The following SGIP1 variants were observed in gnomAD, a reference collection of about 807,000 sequenced individuals.
SGIP1 encodes SH3-containing GRB2-like protein 3-interacting protein 1.
In SGIP1, 38 loss-of-function variants were observed where a neutral mutation model predicts 107.5. That is an observed-to-expected ratio of 0.35 (90% CI 0.27 to 0.46). The LOEUF is 0.46. Ranked by LOEUF, SGIP1 falls within the 20% of genes least tolerant of loss-of-function variation. SGIP1 has a pLI of 1.00. For synonymous variants in SGIP1, 365 were observed against 366.1 expected, an observed-to-expected ratio of 1.00 and a Z score of 0.03; for missense variants, 929 against 1,019.5, an observed-to-expected ratio of 0.91 and a Z score of 1.21.
At chr1:66,690,084 C>T (rs2089489292) in intron 16 of SGIP1, 106 bp from the exon 17 acceptor site, 1 of 1,312,062 alleles carries the variant, frequency 7.6e-7, no homozygotes, top group Admixed American at 2.1e-5. Context: ...ATCTATTCTT[C>T]AGATACCTAA....
intron 1 of SGIP1, among the ~76,000 whole-genome samples, chr1:66,592,068 C>T (rs946884542): frequency 6.6e-6 from 1 of 152,172 alleles, no homozygotes; most frequent in Admixed American, 6.5e-5. Context: ...GAGACAGATG[C>T]CTTCCTCTTA....
chr1:66,561,701 A>T (rs2058973408), intron 1 of SGIP1, among the ~76,000 whole-genome samples: 1 of 151,966 alleles, frequency 6.6e-6, no homozygotes, highest in Non-Finnish European at 1.5e-5. Flanking sequence ...TGAGGAAGAC[A>T]CTCGGTCCCA....
intron 18 of SGIP1, among the ~76,000 whole-genome samples, chr1:66,706,025 C>A (rs914774142): frequency 1.4e-4 from 21 of 151,968 alleles, no homozygotes; most frequent in African/African-American, 5.1e-4. Context: ...TATCCCGGAA[C>A]TTAGAGTAAA....
chr1:66,658,536 A>G lies in SGIP1; in HGVS notation c.460-1977A>G, dbSNP rs144071780. 5.3e-3 allele frequency among the ~76,000 whole-genome samples: 811 copies of G among 152,300 alleles called. 6 individuals carry two copies. The highest frequency in any genetic ancestry group is 0.016 in the African/African-American group (683 of 41,538). ...GACAACAATTTATTTTTTATATTTC[A>G]AAAGACACTGTGCTTCAAACATTTG... On this transcript the variant is annotated intron_variant, in intron 7 of 24. Coordinates refer to ENST00000371037, the MANE Select transcript of SGIP1 (RefSeq NM_032291.4).
intron 7 of SGIP1, among the ~76,000 whole-genome samples, chr1:66,659,443 T>C (rs1399119565): frequency 1.3e-5 from 2 of 152,190 alleles, no homozygotes; most frequent in African/African-American, 4.8e-5. Flanking sequence ...TGGGAGATGA[T>C]AGGTTCTGGG....
chr1:66,713,708 G>A lies in SGIP1; in HGVS notation c.1631-5586G>A, dbSNP rs4295861. ...ATTTCTCTGTATCCCTCGGCACCTAGCACAATGTCTAATTATTACAGGAAC... is the reference window on the plus strand; with the variant it reads ...ATTTCTCTGTATCCCTCGGCACCTAACACAATGTCTAATTATTACAGGAAC... On this transcript the variant is annotated intron_variant, in intron 18 of 24. Transcript: ENST00000371037. Among the ~76,000 whole-genome samples the A allele has an allele frequency of 5.2e-3, 791 of 152,022 alleles. 9 individuals carry two copies. Among genetic ancestry groups the A allele is most frequent in the African/African-American group, 0.018 (757 of 41,450 alleles).
At chr1:66,542,323 C>G (rs760261474) in intron 1 of SGIP1, among the ~76,000 whole-genome samples, 3 of 152,016 alleles carry the variant, frequency 2.0e-5, no homozygotes, top group Non-Finnish European at 2.9e-5. Context: ...TAACAATCTG[C>G]TGTAATAAAA....
At chr1:66,644,616 A>G (rs1157658350) in intron 7 of SGIP1, among the ~76,000 whole-genome samples, 1 of 152,120 alleles carries the variant, frequency 6.6e-6, no homozygotes, top group South Asian at 2.1e-4. Context: ...ATGCTGAACC[A>G]TTTTCGAGAT....
chr1:66,586,738 C>CTATTTA (rs1406130753), intron 1 of SGIP1, among the ~76,000 whole-genome samples: 1 of 151,980 alleles, frequency 6.6e-6, no homozygotes, highest in Non-Finnish European at 1.5e-5. Context: ...GATGGAAAGC[C>CTATTTA]TATTATATTT....
At chr1:66,715,832 C>T (rs1384878017) in intron 18 of SGIP1, among the ~76,000 whole-genome samples, 1 of 152,062 alleles carries the variant, frequency 6.6e-6, no homozygotes, top group South Asian at 2.1e-4. Context: ...TATATAAGAA[C>T]TTTACACTTG....
chr1:66,695,304 C>A (rs751940107), intron 17 of SGIP1, 130 bp from the exon 18 acceptor site: 2 of 1,441,178 alleles, frequency 1.4e-6, no homozygotes, highest in Admixed American at 2.3e-5. Context: ...TTTTCCTGCA[C>A]GCTAATGGCA....
chr1:66,675,084 C>T (rs906333956), intron 12 of SGIP1, among the ~76,000 whole-genome samples: 1 of 152,210 alleles, frequency 6.6e-6, no homozygotes, highest in Admixed American at 6.5e-5. Context: ...ATCAATCTCA[C>T]TCTTAATGAC....
intron 2 of SGIP1, among the ~76,000 whole-genome samples, chr1:66,632,490 A>G (rs1312113536): frequency 6.6e-6 from 1 of 152,136 alleles, no homozygotes; most frequent in African/African-American, 2.4e-5. Context: ...GAAAAGATAA[A>G]ACGGCTGGGC....
intron 1 of SGIP1, among the ~76,000 whole-genome samples, chr1:66,555,754 A>G (rs768208722): frequency 1.3e-4 from 20 of 152,142 alleles, no homozygotes; most frequent in African/African-American, 4.3e-4. Flanking sequence ...AGCTCTGGCC[A>G]TATCTCTTAC....
intron 2 of SGIP1, among the ~76,000 whole-genome samples, chr1:66,632,725 T>C (rs985854623): frequency 1.3e-5 from 2 of 151,440 alleles, no homozygotes; most frequent in African/African-American, 2.4e-5. Context: ...CCAGCTAGAG[T>C]GGGACAGTTA....
At chr1:66,690,121 T>C in intron 16 of SGIP1, 69 bp from the exon 17 acceptor site, 1 of 1,583,628 alleles carries the variant, frequency 6.3e-7, no homozygotes, top group Non-Finnish European at 8.6e-7. Context: ...CTGGGAGACA[T>C]TAAAAATATG....
In SGIP1 at chr1:66,719,397, C is replaced by T. The variant is rs566641355; in HGVS notation, c.1734C>T (p.Asp578=). The T allele has an allele frequency of 3.1e-6, 5 of 1,612,504 alleles. No individual in the cohort carries two copies. In the East Asian group the frequency reaches 8.9e-5, roughly 29 times the overall value. ...ETVNAYFKGA[D]PSKCIVKITG... ...TCAATGCCTATTTCAAAGGAGCAGA[C>T]CCAAGCAAGTAAGCCTGATACTTGG... is the stretch of plus-strand genomic sequence containing the variant. The change falls in exon 19 of 25, where the codon GAC becomes GAT. Residue 578 remains aspartate (D), a synonymous_variant. Coordinates refer to ENST00000371037, the MANE Select transcript of SGIP1 (RefSeq NM_032291.4).
intron 18 of SGIP1, among the ~76,000 whole-genome samples, chr1:66,698,379 C>CT (rs397739553): frequency 0.44 from 60,088 of 137,194 alleles, 13,616 homozygotes; most frequent in East Asian, 0.71. Context: ...ATGGTGATGA[C>CT]TTTTTTTTTT....
At chr1:66,612,956 A>G (rs899377638) in intron 1 of SGIP1, among the ~76,000 whole-genome samples, 4 of 152,194 alleles carry the variant, frequency 2.6e-5, no homozygotes, top group African/African-American at 9.6e-5. Flanking sequence ...AGAGTTAAAA[A>G]CTGTTCAGGT....
Sources: gnomAD v4.1 joint callset for allele counts (sites outside exome capture counted in the v4.1 genomes callset) on GRCh38, gnomAD v4.1.1 for gene constraint, MANE v1.5 for transcripts, NCBI Gene and HGNC (gene_info 2026-07-23, HGNC 2026-07-21) for gene names.